SHC3: variants seen among roughly 807,000 people sequenced by gnomAD.
SHC3 encodes the protein SHC-transforming protein 3.
SHC3 carries 15 observed loss-of-function variants against 60.4 expected under a neutral mutation model. The ratio of observed to expected loss-of-function variants is 0.25; its 90% CI spans 0.17 to 0.38. The LOEUF (loss-of-function observed/expected upper bound fraction) is 0.38. SHC3 is among the 10% of genes least tolerant of loss of function. SHC3 has a pLI of 1.00. For missense variants in SHC3, 677 were observed against 786.1 expected (o/e 0.86, Z 1.66); for synonymous variants, 294 against 325.9 (o/e 0.90, Z 1.05).
At chr9:89,123,121 T>C (rs1298813302) in intron 1 of SHC3, among the ~76,000 whole-genome samples, 2 of 152,212 alleles carry the variant, frequency 1.3e-5, no homozygotes, top group East Asian at 1.9e-4. Flanking sequence ...GGCTATATGA[T>C]GCAATTTTTG....
At chr9:89,059,472 TG>T (rs1330538612) in intron 6 of SHC3, among the ~76,000 whole-genome samples, 1 of 126,854 alleles carries the variant, frequency 7.9e-6, no homozygotes, top group African/African-American at 3.1e-5. Context: ...GAGGACATGG[TG>T]GGGGGCGGTA....
intron 1 of SHC3, among the ~76,000 whole-genome samples, chr9:89,146,173 T>C (rs1350097499): frequency 6.6e-6 from 1 of 151,692 alleles, no homozygotes; most frequent in African/African-American, 2.4e-5. Context: ...CTGGTCAACA[T>C]GGTGAAACCC....
chr9:89,125,522 T>A (rs763467633), intron 1 of SHC3, among the ~76,000 whole-genome samples: 1 of 152,096 alleles, frequency 6.6e-6, no homozygotes, highest in Non-Finnish European at 1.5e-5. Context: ...GAATAGGAGC[T>A]GGGTAAAATG....
chr9:89,037,383 T>C (rs1824599469), intron 11 of SHC3: 1 of 626,064 alleles, frequency 1.6e-6, no homozygotes, highest in South Asian at 2.0e-5. Flanking sequence ...CTGCATTTAT[T>C]AAACTTAGCA....
intron 7 of SHC3, among the ~76,000 whole-genome samples, chr9:89,051,021 T>C (rs1035884961): frequency 1.3e-5 from 2 of 151,908 alleles, no homozygotes; most frequent in South Asian, 4.2e-4. Flanking sequence ...ACCTCCAAAA[T>C]GAATGTCTTA....
intron 2 of SHC3, among the ~76,000 whole-genome samples, chr9:89,097,244 T>C (rs1825718327): frequency 1.3e-5 from 2 of 152,174 alleles, no homozygotes. Context: ...AACTAAATTA[T>C]AGGAAATTAC....
intron 2 of SHC3, among the ~76,000 whole-genome samples, chr9:89,086,910 A>G (rs1825539517): frequency 6.6e-6 from 1 of 152,240 alleles, no homozygotes; most frequent in African/African-American, 2.4e-5. Flanking sequence ...CGTTGGGGGC[A>G]CATGCACTGA....
At chr9:89,029,508 T>C (rs1824437194) in intron 11 of SHC3, among the ~76,000 whole-genome samples, 1 of 152,176 alleles carries the variant, frequency 6.6e-6, no homozygotes, top group Admixed American at 6.5e-5. Context: ...TTTATGCTCA[T>C]GCACCTCTTC....
At chr9:89,021,685 G>A (rs1826203016) in intron 11 of SHC3, among the ~76,000 whole-genome samples, 1 of 152,222 alleles carries the variant, frequency 6.6e-6, no homozygotes, top group African/African-American at 2.4e-5. Context: ...TGGAAACTGA[G>A]GGTTTCCAGC....
At chr9:89,017,476 A>G (rs1352900930) in intron 11 of SHC3, among the ~76,000 whole-genome samples, 2 of 152,226 alleles carry the variant, frequency 1.3e-5, no homozygotes, top group Middle Eastern at 6.3e-3. Flanking sequence ...CCCCTTTCTT[A>G]CATCTTATAT....
chr9:89,168,100 T>C (rs955998610), intron 1 of SHC3, among the ~76,000 whole-genome samples: 3 of 152,232 alleles, frequency 2.0e-5, no homozygotes, highest in Non-Finnish European at 4.4e-5. Flanking sequence ...TTATCCATCT[T>C]GTAGCTCAGA....
chr9:89,060,259 G>A lies in SHC3; in HGVS notation c.835+5270C>T, dbSNP rs141461487. Among the ~76,000 whole-genome samples, 217 of 151,300 alleles carry A rather than the reference G, an allele frequency of 1.4e-3. 1 individual carries two copies. Among genetic ancestry groups the A allele is most frequent in the African/African-American group, 4.9e-3 (200 of 41,146 alleles). Reference sequence around the variant, plus strand: ...GATGGAGGACAAGGTAGAGGATGTGGTGGAGGACATGGTGGAGGACAGTGG... The same window carrying A: ...GATGGAGGACAAGGTAGAGGATGTGATGGAGGACATGGTGGAGGACAGTGG... On this transcript the variant is annotated intron_variant, in intron 6 of 11. Coordinates refer to ENST00000375835, the MANE Select transcript of SHC3 (RefSeq NM_016848.6).
At chr9:89,064,121 C>T (rs1292706092) in intron 6 of SHC3, among the ~76,000 whole-genome samples, 1 of 152,224 alleles carries the variant, frequency 6.6e-6, no homozygotes. Flanking sequence ...ATTCACAAGG[C>T]TTCCCCCTCA....
chr9:89,121,506 T>C (rs1214757452), intron 1 of SHC3, among the ~76,000 whole-genome samples: 1 of 152,140 alleles, frequency 6.6e-6, no homozygotes, highest in African/African-American at 2.4e-5. Flanking sequence ...GTCAGGCTGG[T>C]CTTAAACTCC....
intron 11 of SHC3, among the ~76,000 whole-genome samples, chr9:89,034,915 T>C (rs1322218583): frequency 2.6e-5 from 4 of 152,214 alleles, no homozygotes; most frequent in Non-Finnish European, 4.4e-5. Context: ...GTGTCTAGAC[T>C]TGCTGGCTCC....
At chr9:89,154,549 T>C (rs537276675) in intron 1 of SHC3, among the ~76,000 whole-genome samples, 86 of 152,368 alleles carry the variant, frequency 5.6e-4, no homozygotes, top group Non-Finnish European at 1.0e-3. Context: ...TCAGTTTCCA[T>C]ACATTACATC....
intron 9 of SHC3, among the ~76,000 whole-genome samples, chr9:89,044,008 G>A (rs1824733284): frequency 1.3e-5 from 2 of 152,176 alleles, no homozygotes; most frequent in African/African-American, 2.4e-5. Context: ...TGAGTCTCAA[G>A]TTCCAGGCCA....
In SHC3 at chr9:89,111,792, G is replaced by C. The variant is rs532730479; in HGVS notation, c.545+764C>G. 2.6e-5 allele frequency among the ~76,000 whole-genome samples: 4 copies of C among 152,190 alleles called. No homozygotes were observed. The East Asian group carries it at 5.8e-4, about 22-fold the overall frequency. ...AATGATTTGAATCAAGTAAATATGA[G>C]GCATTTTTCTGAGGTGACTATTTAA... On this transcript the variant is annotated intron_variant, in intron 2 of 11. Coordinates refer to ENST00000375835, the MANE Select transcript of SHC3 (RefSeq NM_016848.6).
intron 2 of SHC3, among the ~76,000 whole-genome samples, chr9:89,099,310 A>C (rs1181765337): frequency 1.3e-5 from 2 of 152,208 alleles, no homozygotes; most frequent in Non-Finnish European, 2.9e-5. Context: ...TTGTACATAT[A>C]AAAACAAACA....
Sources: allele counts gnomAD v4.1 joint callset (sites outside exome capture counted in the v4.1 genomes callset), GRCh38; gene constraint gnomAD v4.1.1; transcripts MANE v1.5; gene names NCBI Gene and HGNC (gene_info 2026-07-23, HGNC 2026-07-21).